Variants in PIP4K2A observed in about 807,000 individuals in gnomAD.
PIP4K2A encodes the protein phosphatidylinositol-5-phosphate 4-kinase type 2 alpha.
PIP4K2A carries 14 observed loss-of-function variants against 42.9 expected under a neutral mutation model. The observed-to-expected ratio is 0.33, with a 90% CI of 0.22 to 0.51. The LOEUF is 0.51. PIP4K2A is among the 20% of genes least tolerant of loss of function. The pLI is 0.97. For missense variants in PIP4K2A, 434 were observed against 519.8 expected (o/e 0.83, Z 1.61); for synonymous variants, 192 against 192.2 (o/e 1.00, Z 0.01).
At chr10:22,557,683 T>C (rs1836586138) in intron 6 of PIP4K2A, among the ~76,000 whole-genome samples, 2 of 152,248 alleles carry the variant, frequency 1.3e-5, no homozygotes, top group Admixed American at 6.5e-5. Context: ...AATTTCAAAC[T>C]ATAGTTTGAA....
rs546104671 is a variant in PIP4K2A, at chr10:22,704,355, C to T, written c.144+9828G>A. On this transcript the variant is annotated intron_variant, in intron 1 of 9. Coordinates refer to ENST00000376573, the MANE Select transcript of PIP4K2A (RefSeq NM_005028.5). ...GCACTGCCAGTGATGCTGACTTGAG[C>T]AGTTTCCTAGGTGTGCTGGAGGTGA... 1.6e-4 allele frequency among the ~76,000 whole-genome samples: 25 copies of T among 152,128 alleles called. No homozygotes were observed. The South Asian group carries it at 4.2e-3, about 25-fold the overall frequency.
intron 4 of PIP4K2A, among the ~76,000 whole-genome samples, chr10:22,578,688 T>A (rs374247884): frequency 1.3e-5 from 2 of 152,184 alleles, no homozygotes; most frequent in Non-Finnish European, 2.9e-5. Context: ...CCCAAACTTA[T>A]GATTCTCAGT....
At chr10:22,543,220 C>T (rs903061712) in intron 7 of PIP4K2A, among the ~76,000 whole-genome samples, 3 of 152,116 alleles carry the variant, frequency 2.0e-5, no homozygotes, top group East Asian at 3.9e-4. Context: ...AGGAGAGGAC[C>T]CCTGGGCACA....
intron 1 of PIP4K2A, among the ~76,000 whole-genome samples, chr10:22,618,887 C>G (rs185673252): frequency 3.6e-4 from 55 of 152,262 alleles, no homozygotes; most frequent in East Asian, 1.5e-3. Flanking sequence ...TATTTATACA[C>G]CAAAGTTCAT....
At chr10:22,661,184 C>A (rs906684976) in intron 1 of PIP4K2A, among the ~76,000 whole-genome samples, 3 of 152,168 alleles carry the variant, frequency 2.0e-5, no homozygotes, top group Admixed American at 6.5e-5. Context: ...TTCATCTTTG[C>A]AGTTGCAAAG....
intron 2 of PIP4K2A, among the ~76,000 whole-genome samples, chr10:22,608,349 C>T (rs1471649760): frequency 1.3e-5 from 2 of 152,116 alleles, no homozygotes; most frequent in African/African-American, 4.8e-5. Context: ...GGGAAAAGCA[C>T]AATGGCGGGA....
chr10:22,625,738 G>A (rs1251556845), intron 1 of PIP4K2A, among the ~76,000 whole-genome samples: 2 of 152,208 alleles, frequency 1.3e-5, no homozygotes, highest in Non-Finnish European at 2.9e-5. Context: ...GCCAGAGGCA[G>A]GAGGCAGGGC....
chr10:22,679,956 C>G (rs1164952856), intron 1 of PIP4K2A, among the ~76,000 whole-genome samples: 1 of 151,810 alleles, frequency 6.6e-6, no homozygotes, highest in Non-Finnish European at 1.5e-5. Context: ...TATACAACCC[C>G]TATATTTAAA....
chr10:22,622,437 G>A (rs548106172), intron 1 of PIP4K2A, among the ~76,000 whole-genome samples: 2 of 152,340 alleles, frequency 1.3e-5, no homozygotes, highest in African/African-American at 4.8e-5. Context: ...TGGGCGTCAC[G>A]GAGCACGGGA....
At chr10:22,658,218 AT>A (rs542855392) in intron 1 of PIP4K2A, among the ~76,000 whole-genome samples, 4 of 152,368 alleles carry the variant, frequency 2.6e-5, no homozygotes, top group Admixed American at 2.6e-4. Flanking sequence ...AATACAAATC[AT>A]TTTGGAAAAA....
intron 1 of PIP4K2A, among the ~76,000 whole-genome samples, chr10:22,610,327 A>G (rs1393414401): frequency 6.6e-6 from 1 of 152,250 alleles, no homozygotes; most frequent in Non-Finnish European, 1.5e-5. Context: ...ACAAAAGCAA[A>G]GATGTGTTTC....
In PIP4K2A at chr10:22,585,249, T is replaced by G. The variant is rs113371585; in HGVS notation, c.492+6380A>C. ...GATAAGCAGATGTACTATGAGGAGA[T>G]TTCAAAGAAGTCACATGTTTGCCCT... On this transcript the variant is annotated intron_variant, in intron 4 of 9. Coordinates refer to ENST00000376573, the MANE Select transcript of PIP4K2A (RefSeq NM_005028.5). 5.3e-5 allele frequency among the ~76,000 whole-genome samples: 8 copies of G among 152,240 alleles called. 1 individual carries two copies. Among genetic ancestry groups the G allele is most frequent in the African/African-American group, 1.9e-4 (8 of 41,524 alleles).
At chr10:22,546,204 C>T (rs551777817) in intron 7 of PIP4K2A, among the ~76,000 whole-genome samples, 4 of 152,086 alleles carry the variant, frequency 2.6e-5, no homozygotes, top group South Asian at 4.2e-4. Context: ...ACAGGGGTGT[C>T]GAAGAATTAA....
chr10:22,561,705 A>C lies in PIP4K2A; in HGVS notation c.678+6146T>G, dbSNP rs557873144. On this transcript the variant is annotated intron_variant, in intron 6 of 9. Transcript: ENST00000376573. ...ATCCTCCCATGTAGCTGGGGCCACA[A>C]GTGTGCACCACCATGCCCAGCTAAT... 4.7e-4 allele frequency among the ~76,000 whole-genome samples: 71 copies of C among 151,570 alleles called. 3 individuals carry two copies. The South Asian group carries it at 0.015, about 32-fold the overall frequency.
intron 4 of PIP4K2A, among the ~76,000 whole-genome samples, chr10:22,582,066 T>C (rs1476094918): frequency 3.3e-5 from 5 of 151,890 alleles, no homozygotes; most frequent in African/African-American, 1.2e-4. Context: ...TGCGCCACTG[T>C]ACTCCAGCCT....
intron 4 of PIP4K2A, among the ~76,000 whole-genome samples, chr10:22,585,570 T>G (rs921799036): frequency 6.6e-6 from 1 of 152,118 alleles, no homozygotes; most frequent in Non-Finnish European, 1.5e-5. Flanking sequence ...CTAAGTCCTA[T>G]ACAACTTCAG....
intron 6 of PIP4K2A, among the ~76,000 whole-genome samples, chr10:22,566,630 T>TC (rs1227511726): frequency 6.6e-6 from 1 of 152,122 alleles, no homozygotes; most frequent in Admixed American, 6.5e-5. Flanking sequence ...CTGGCTTCCT[T>TC]CCCTCTGTGG....
At chr10:22,585,965 C>T (rs1343505973) in intron 4 of PIP4K2A, among the ~76,000 whole-genome samples, 1 of 138,090 alleles carries the variant, frequency 7.2e-6, no homozygotes, top group Non-Finnish European at 1.6e-5. Context: ...CACGTCAGTG[C>T]GGGGAAAAAA....
At chr10:22,677,292 A>T (rs1445284799) in intron 1 of PIP4K2A, among the ~76,000 whole-genome samples, 1 of 152,210 alleles carries the variant, frequency 6.6e-6, no homozygotes, top group Admixed American at 6.5e-5. Context: ...ATAGGGAATC[A>T]GACTGAGACT....
Sources: gnomAD v4.1 joint callset for allele counts (sites outside exome capture counted in the v4.1 genomes callset) on GRCh38, gnomAD v4.1.1 for gene constraint, MANE v1.5 for transcripts, NCBI Gene and HGNC (gene_info 2026-07-23, HGNC 2026-07-21) for gene names.